Variants in PDE4D observed in about 807,000 individuals in gnomAD.
PDE4D encodes 3',5'-cyclic-AMP phosphodiesterase 4D.
In PDE4D, 24 loss-of-function variants were observed where a neutral mutation model predicts 87.4. That is an observed-to-expected ratio of 0.27 (90% CI 0.20 to 0.39). PDE4D has a LOEUF of 0.39. Among genes scored for constraint, PDE4D ranks in the 10% least tolerant of loss-of-function variants. The pLI is 1.00. For synonymous variants in PDE4D, 384 were observed against 383.2 expected (o/e 1.00, Z -0.02); for missense variants, 714 against 1,041.0 (o/e 0.69, Z 4.32).
intron 1 of PDE4D, among the ~76,000 whole-genome samples, chr5:60,362,448 G>A (rs1760152922): frequency 6.6e-6 from 1 of 152,190 alleles, no homozygotes; most frequent in African/African-American, 2.4e-5. Context: ...TAACAATAAG[G>A]ATGATGATTG....
chr5:59,940,182 C>T (rs1757030175), intron 3 of PDE4D, among the ~76,000 whole-genome samples: 1 of 152,088 alleles, frequency 6.6e-6, no homozygotes, highest in South Asian at 2.1e-4. Context: ...GTGACAGATC[C>T]AGGCATGAAA....
At chr5:59,123,884 C>G (rs1177144339) in intron 5 of PDE4D, among the ~76,000 whole-genome samples, 1 of 152,138 alleles carries the variant, frequency 6.6e-6, no homozygotes, top group African/African-American at 2.4e-5. Flanking sequence ...CTACGTGACT[C>G]TGGGCAAGTT....
chr5:59,373,470 T>C (rs528986354), intron 1 of PDE4D, among the ~76,000 whole-genome samples: 3 of 151,948 alleles, frequency 2.0e-5, no homozygotes, highest in Admixed American at 1.3e-4. Flanking sequence ...AATAAGACAG[T>C]CAGACAAGAA....
chr5:59,500,058 A>G (rs1808015272), intron 1 of PDE4D, among the ~76,000 whole-genome samples: 1 of 152,184 alleles, frequency 6.6e-6, no homozygotes, highest in East Asian at 1.9e-4. Flanking sequence ...ATGAGATACT[A>G]TCTCACACCA....
intron 2 of PDE4D, among the ~76,000 whole-genome samples, chr5:60,016,863 G>T (rs1765567193): frequency 6.6e-6 from 1 of 152,194 alleles, no homozygotes; most frequent in South Asian, 2.1e-4. Context: ...ACCTCTTCCT[G>T]AGAGTCATAA....
intron 1 of PDE4D, among the ~76,000 whole-genome samples, chr5:59,354,940 T>C (rs749029150): frequency 1.9e-4 from 29 of 152,164 alleles, no homozygotes; most frequent in Non-Finnish European, 3.2e-4. Flanking sequence ...AAAAATTAAT[T>C]ATTCTGTGGG....
chr5:59,661,873 G>T (rs968666761), intron 1 of PDE4D, among the ~76,000 whole-genome samples: 10 of 152,196 alleles, frequency 6.6e-5, no homozygotes, highest in Non-Finnish European at 1.5e-4. Context: ...TTTGCCTGGG[G>T]TGCTAATTTT....
At chr5:59,565,567 T>C (rs943980939) in intron 1 of PDE4D, among the ~76,000 whole-genome samples, 2 of 152,292 alleles carry the variant, frequency 1.3e-5, no homozygotes, top group East Asian at 1.9e-4. Context: ...AGTTACTGCA[T>C]GGAGCCCAGA....
intron 1 of PDE4D, among the ~76,000 whole-genome samples, chr5:60,344,451 G>A (rs1188119196): frequency 3.3e-5 from 5 of 151,978 alleles, no homozygotes; most frequent in African/African-American, 1.2e-4. Context: ...CTCTTATAGA[G>A]TAGAAAGTTA....
At chr5:59,865,647 G>C (rs765355636) in intron 1 of PDE4D, among the ~76,000 whole-genome samples, 7 of 152,116 alleles carry the variant, frequency 4.6e-5, no homozygotes, top group Admixed American at 1.3e-4. Context: ...TCAGGTCTTT[G>C]TACGCTCATA....
intron 1 of PDE4D, among the ~76,000 whole-genome samples, chr5:60,475,506 TG>T (rs1417427008): frequency 1.3e-5 from 2 of 152,040 alleles, no homozygotes; most frequent in Non-Finnish European, 2.9e-5. Context: ...ATGACGAAAA[TG>T]GCTTTCCATT....
chr5:60,155,224 G>T (rs576589059), intron 2 of PDE4D, among the ~76,000 whole-genome samples: 2 of 152,268 alleles, frequency 1.3e-5, no homozygotes, highest in African/African-American at 4.8e-5. Context: ...GTGATTGAGG[G>T]TTCTGGTTGC....
chr5:60,367,972 G>A (rs1315026019), intron 1 of PDE4D, among the ~76,000 whole-genome samples: 1 of 152,130 alleles, frequency 6.6e-6, no homozygotes, highest in Non-Finnish European at 1.5e-5. Context: ...TCATTACTGA[G>A]CGTTCTTTTT....
intron 5 of PDE4D, among the ~76,000 whole-genome samples, chr5:59,104,530 G>T (rs1771275085): frequency 6.6e-6 from 1 of 152,150 alleles, no homozygotes; most frequent in Admixed American, 6.5e-5. Flanking sequence ...ACATAGCCTT[G>T]AAATGTGCCA....
chr5:60,258,864 GA>G (rs1011723080), intron 1 of PDE4D, among the ~76,000 whole-genome samples: 1 of 151,530 alleles, frequency 6.6e-6, no homozygotes, highest in African/African-American at 2.4e-5. Flanking sequence ...AGTTTCAAAT[GA>G]AAAAAATCAG....
intron 1 of PDE4D, among the ~76,000 whole-genome samples, chr5:59,279,469 T>C (rs1765421395): frequency 6.6e-6 from 1 of 152,126 alleles, no homozygotes; most frequent in Admixed American, 6.6e-5. Flanking sequence ...ACTTTCCTAC[T>C]GGCATGAACC....
chr5:59,914,554 G>GTGTGTA (rs1753800048), intron 3 of PDE4D, among the ~76,000 whole-genome samples: 1 of 148,594 alleles, frequency 6.7e-6, no homozygotes, highest in African/African-American at 2.6e-5. Context: ...GTGTGTGTGT[G>GTGTGTA]TGTGTGTGTG....
intron 1 of PDE4D, among the ~76,000 whole-genome samples, chr5:59,594,416 G>A (rs925631151): frequency 6.6e-6 from 1 of 151,868 alleles, no homozygotes; most frequent in Non-Finnish European, 1.5e-5. Context: ...CGCCTCCCGG[G>A]TTCAAGCAAT....
chr5:59,793,104 G>A (rs554542201), intron 1 of PDE4D, among the ~76,000 whole-genome samples: 8 of 152,286 alleles, frequency 5.3e-5, no homozygotes, highest in Middle Eastern at 3.4e-3. Flanking sequence ...TCTGACTGCA[G>A]ACTCAGGAGT....
Sources: gnomAD v4.1 joint callset for allele counts (sites outside exome capture counted in the v4.1 genomes callset) on GRCh38, gnomAD v4.1.1 for gene constraint, MANE v1.5 for transcripts, NCBI Gene and HGNC (gene_info 2026-07-23, HGNC 2026-07-21) for gene names.